The following SPOCK1 variants were observed in gnomAD, a reference collection of about 807,000 sequenced individuals.
SPOCK1 encodes the protein testican-1.
Under a neutral mutation model 55.3 loss-of-function variants are expected in SPOCK1, and 23 were observed. The observed-to-expected ratio is 0.42, with a 90% confidence interval of 0.30 to 0.59. The LOEUF (loss-of-function observed/expected upper bound fraction) is 0.59. Ranked by LOEUF, SPOCK1 falls within the 20% of genes least tolerant of loss-of-function variation. The probability of loss-of-function intolerance (pLI) is 0.22; values close to 1 mark genes in which losing one functional copy is unlikely to be tolerated. For synonymous variants in SPOCK1, 226 were observed against 221.0 expected (o/e 1.02, Z -0.20); for missense variants, 499 against 552.5 (o/e 0.90, Z 0.97).
intron 2 of SPOCK1, among the ~76,000 whole-genome samples, chr5:137,498,158 G>A (rs764769509): frequency 3.3e-5 from 5 of 152,078 alleles, no homozygotes; most frequent in Admixed American, 1.3e-4. Flanking sequence ...ACAGGCAAGC[G>A]CATGGAGCCT....
intron 2 of SPOCK1, among the ~76,000 whole-genome samples, chr5:137,299,749 TAAAG>T (rs1477597510): frequency 6.6e-6 from 1 of 152,158 alleles, no homozygotes; most frequent in Non-Finnish European, 1.5e-5. Flanking sequence ...TTATTTCTAA[TAAAG>T]AGTCAGGTTT....
chr5:137,013,104 G>A (rs1207425456), intron 6 of SPOCK1, among the ~76,000 whole-genome samples: 4 of 152,256 alleles, frequency 2.6e-5, no homozygotes, highest in East Asian at 3.9e-4. Flanking sequence ...ATAATAAAAG[G>A]TTAACAGTGG....
intron 5 of SPOCK1, among the ~76,000 whole-genome samples, chr5:137,094,346 G>A (rs1413775739): frequency 6.6e-6 from 1 of 152,164 alleles, no homozygotes. Flanking sequence ...ATTAAACCAG[G>A]AGAGTTTAGT....
At chr5:137,206,351 C>T (rs1023959428) in intron 3 of SPOCK1, among the ~76,000 whole-genome samples, 2 of 152,248 alleles carry the variant, frequency 1.3e-5, no homozygotes, top group Non-Finnish European at 1.5e-5. Flanking sequence ...AGGCCACCCA[C>T]GCTGGGTTCA....
intron 2 of SPOCK1, among the ~76,000 whole-genome samples, chr5:137,473,086 A>C (rs994578230): frequency 2.6e-5 from 4 of 152,236 alleles, no homozygotes; most frequent in African/African-American, 9.6e-5. Context: ...GCTGTGACCC[A>C]GCAATTCCCC....
chr5:137,437,022 G>C (rs904243740), intron 2 of SPOCK1, among the ~76,000 whole-genome samples: 1 of 152,178 alleles, frequency 6.6e-6, no homozygotes, highest in Non-Finnish European at 1.5e-5. Flanking sequence ...CTAGTATCAG[G>C]ACAGAACTGG....
chr5:137,327,167 T>C (rs554603264), intron 2 of SPOCK1, among the ~76,000 whole-genome samples: 1 of 152,274 alleles, frequency 6.6e-6, no homozygotes, highest in Middle Eastern at 3.4e-3. Flanking sequence ...CACTTACCTA[T>C]TGTCAAATGG....
intron 2 of SPOCK1, among the ~76,000 whole-genome samples, chr5:137,275,450 G>A (rs1256309394): frequency 1.3e-5 from 2 of 152,354 alleles, no homozygotes; most frequent in Admixed American, 1.3e-4. Flanking sequence ...GCTGATGGCT[G>A]GGGATGCTGT....
intron 5 of SPOCK1, among the ~76,000 whole-genome samples, chr5:137,084,133 C>G (rs1454390467): frequency 6.6e-6 from 1 of 152,072 alleles, no homozygotes; most frequent in Non-Finnish European, 1.5e-5. Context: ...CCTCTGCCAG[C>G]CCCACCTCCA....
intron 3 of SPOCK1, among the ~76,000 whole-genome samples, chr5:137,166,723 T>C (rs1302049451): frequency 2.0e-5 from 3 of 152,122 alleles, no homozygotes; most frequent in African/African-American, 7.2e-5. Context: ...TGTTTGCTTA[T>C]GCAAGCAGTA....
chr5:136,979,800 C>A (rs1750694193), intron 9 of SPOCK1, among the ~76,000 whole-genome samples: 1 of 152,148 alleles, frequency 6.6e-6, no homozygotes, highest in Non-Finnish European at 1.5e-5. Flanking sequence ...ATTCCCACAA[C>A]TCTAAGAGAT....
chr5:137,314,580 C>T (rs1183890265), intron 2 of SPOCK1, among the ~76,000 whole-genome samples: 1 of 152,152 alleles, frequency 6.6e-6, no homozygotes, highest in Non-Finnish European at 1.5e-5. Context: ...TATAAAGCAC[C>T]CAGCAGAGTG....
chr5:137,157,667 T>C lies in SPOCK1; in HGVS notation c.233-16973A>G, dbSNP rs182745555. Among the ~76,000 whole-genome samples the C allele has an allele frequency of 4.3e-3, 652 of 152,304 alleles. 2 individuals are homozygous for C. Among genetic ancestry groups the C allele is most frequent in the Admixed American group, 8.6e-3 (131 of 15,300 alleles). On this transcript the variant is annotated intron_variant, in intron 3 of 10. Coordinates refer to ENST00000394945, the MANE Select transcript of SPOCK1 (RefSeq NM_004598.4). ...TGTTAATCACTTGGTCCCAATCCCA[T>C]TCCCCAGGCACTAACCTCTGAAATG...
intron 5 of SPOCK1, among the ~76,000 whole-genome samples, chr5:137,073,329 A>G (rs1468584101): frequency 6.6e-6 from 1 of 152,224 alleles, no homozygotes. Flanking sequence ...TGTGATCAGT[A>G]AATCTTCTGG....
intron 4 of SPOCK1, among the ~76,000 whole-genome samples, chr5:137,139,728 C>A (rs1164529570): frequency 6.6e-6 from 1 of 152,138 alleles, no homozygotes; most frequent in African/African-American, 2.4e-5. Context: ...ATTGTACAGG[C>A]AGCACAGGGA....
At chr5:137,034,571 C>T (rs1751845856) in intron 6 of SPOCK1, among the ~76,000 whole-genome samples, 1 of 152,190 alleles carries the variant, frequency 6.6e-6, no homozygotes, top group Non-Finnish European at 1.5e-5. Flanking sequence ...GGCTTTGTCA[C>T]ACTCCATGGG....
At chr5:137,328,002 C>A (rs868366210) in intron 2 of SPOCK1, among the ~76,000 whole-genome samples, 3 of 152,230 alleles carry the variant, frequency 2.0e-5, no homozygotes, top group Non-Finnish European at 4.4e-5. Flanking sequence ...ATGGTCCACG[C>A]CCACCTGTGA....
chr5:137,390,757 G>A (rs2127179050), intron 2 of SPOCK1, among the ~76,000 whole-genome samples: 1 of 152,310 alleles, frequency 6.6e-6, no homozygotes, highest in East Asian at 1.9e-4. Context: ...ATGGTGTCAG[G>A]GCCAGCACTT....
intron 2 of SPOCK1, among the ~76,000 whole-genome samples, chr5:137,473,367 T>C (rs1753775513): frequency 6.6e-6 from 1 of 152,216 alleles, no homozygotes; most frequent in Non-Finnish European, 1.5e-5. Context: ...CAAGTAAACA[T>C]GTATACATGT....
Sources: gnomAD v4.1 joint callset for allele counts (sites outside exome capture counted in the v4.1 genomes callset) on GRCh38, gnomAD v4.1.1 for gene constraint, MANE v1.5 for transcripts, NCBI Gene and HGNC (gene_info 2026-07-23, HGNC 2026-07-21) for gene names.